Variants in MYT1L observed in about 807,000 individuals in gnomAD.
MYT1L encodes the protein myelin transcription factor 1 like.
In MYT1L, 12 loss-of-function variants were observed where a neutral mutation model predicts 126.7. The observed-to-expected ratio is 0.09, with a 90% confidence interval of 0.06 to 0.15. MYT1L has a LOEUF of 0.15. Ranked by LOEUF, MYT1L falls within the 10% of genes least tolerant of loss-of-function variation. The pLI, the probability that MYT1L is intolerant of heterozygous loss-of-function variation, is 1.00. For synonymous variants in MYT1L, 541 were observed against 604.2 expected (o/e 0.90, Z 1.53); for missense variants, 979 against 1,585.2 (o/e 0.62, Z 6.49).
chr2:2,226,657 C>T (rs1448653889), intron 2 of MYT1L, among the ~76,000 whole-genome samples: 1 of 152,170 alleles, frequency 6.6e-6, no homozygotes, highest in Admixed American at 6.5e-5. Context: ...CCTCCGACCA[C>T]ATGACCTCTA....
chr2:2,044,162 C>G (rs1558835315), intron 4 of MYT1L, among the ~76,000 whole-genome samples: 1 of 152,182 alleles, frequency 6.6e-6, no homozygotes, highest in Non-Finnish European at 1.5e-5. Context: ...AGATACAGGT[C>G]CCTGTGCACT....
intron 3 of MYT1L, among the ~76,000 whole-genome samples, chr2:2,123,728 G>T (rs2081333691): frequency 6.6e-6 from 1 of 152,130 alleles, no homozygotes; most frequent in Non-Finnish European, 1.5e-5. Flanking sequence ...CTTAGTCTCG[G>T]GTATTTCATT....
chr2:1,920,972 G>T (rs1004622492), intron 10 of MYT1L, among the ~76,000 whole-genome samples: 7 of 152,212 alleles, frequency 4.6e-5, no homozygotes, highest in Admixed American at 1.3e-4. Context: ...TCTGGCTAAG[G>T]TACCTCTACA....
chr2:1,817,256 A>T (rs551837063), intron 21 of MYT1L, among the ~76,000 whole-genome samples: 13 of 152,174 alleles, frequency 8.5e-5, no homozygotes, highest in Admixed American at 3.3e-4. Flanking sequence ...AACCACCCAG[A>T]GGACCGACGG....
chr2:1,822,486 C>G (rs115007333), intron 21 of MYT1L, among the ~76,000 whole-genome samples: 1 of 152,166 alleles, frequency 6.6e-6, no homozygotes, highest in South Asian at 2.1e-4. Flanking sequence ...GCCCCTCTTC[C>G]CCAGGGATGC....
At chr2:1,797,214 G>A (rs2033736966) in intron 23 of MYT1L, among the ~76,000 whole-genome samples, 1 of 152,122 alleles carries the variant, frequency 6.6e-6, no homozygotes, top group South Asian at 2.1e-4. Flanking sequence ...CACCCCCAGA[G>A]GAAGCCTGCA....
chr2:2,007,971 G>A (rs2063484346), intron 4 of MYT1L, among the ~76,000 whole-genome samples: 1 of 152,294 alleles, frequency 6.6e-6, no homozygotes, highest in Admixed American at 6.5e-5. Context: ...CATTCATGAT[G>A]GTCAGCCATT....
chr2:1,959,179 A>G (rs1360514745), intron 8 of MYT1L, among the ~76,000 whole-genome samples: 1 of 152,202 alleles, frequency 6.6e-6, no homozygotes, highest in African/African-American at 2.4e-5. Context: ...AGAAGGCTGG[A>G]CACAATGTTA....
At chr2:1,946,809 T>C (rs2057272669) in intron 8 of MYT1L, among the ~76,000 whole-genome samples, 1 of 152,188 alleles carries the variant, frequency 6.6e-6, no homozygotes, top group African/African-American at 2.4e-5. Flanking sequence ...AGCCACACCT[T>C]CATGCTGAAT....
At chr2:2,133,676 T>C (rs1474446616) in intron 3 of MYT1L, among the ~76,000 whole-genome samples, 1 of 152,200 alleles carries the variant, frequency 6.6e-6, no homozygotes, top group Non-Finnish European at 1.5e-5. Context: ...ACACACTTGC[T>C]GCTTTCTGAA....
rs368638933 is a variant in MYT1L, at chr2:2,059,501, G to A, written c.-303-5378C>T. Among the ~76,000 whole-genome samples, 8 of 152,082 alleles carry A rather than the reference G, an allele frequency of 5.3e-5. No individual in the cohort carries two copies. The highest frequency in any genetic ancestry group is 3.4e-3 in the Middle Eastern group (1 of 294). On this transcript the variant is annotated intron_variant, in intron 3 of 24. Coordinates refer to ENST00000647738, the MANE Select transcript of MYT1L (RefSeq NM_001303052.2). The surrounding 1 kb of genome is among the most constrained non-coding windows in gnomAD (Gnocchi z 4.7). Reference sequence around the variant, plus strand: ...GAACCAGGTGCATTGCCCAGTGCTGGCGGCACTTCATCCCCACTGAGGGTG... The same window carrying A: ...GAACCAGGTGCATTGCCCAGTGCTGACGGCACTTCATCCCCACTGAGGGTG...
chr2:1,961,081 G>A (rs1219597740), intron 8 of MYT1L, among the ~76,000 whole-genome samples: 2 of 152,236 alleles, frequency 1.3e-5, no homozygotes, highest in African/African-American at 4.8e-5. Context: ...TTAGCAATCT[G>A]TAGTATCATA....
chr2:2,324,379 C>T (rs763398216), intron 1 of MYT1L: 1 of 152,328 alleles, frequency 6.6e-6, no homozygotes, highest in Non-Finnish European at 1.5e-5. Context: ...TCTTCTAATG[C>T]TTTTGAACGC....
At chr2:1,913,740 T>C (rs1000665189) in intron 11 of MYT1L, among the ~76,000 whole-genome samples, 1 of 152,080 alleles carries the variant, frequency 6.6e-6, no homozygotes, top group East Asian at 1.9e-4. Context: ...GAGGTCCAGA[T>C]GGCAAGTGCA....
At chr2:1,796,049 A>C (rs1296287827) in intron 23 of MYT1L, among the ~76,000 whole-genome samples, 1 of 152,230 alleles carries the variant, frequency 6.6e-6, no homozygotes, top group Non-Finnish European at 1.5e-5. Context: ...AAAAACAAAA[A>C]CAAAAGAATA....
At chr2:1,835,528 G>A (rs1361284999) in intron 21 of MYT1L, among the ~76,000 whole-genome samples, 3 of 152,168 alleles carry the variant, frequency 2.0e-5, no homozygotes, top group Non-Finnish European at 4.4e-5. Context: ...CTGAAGATGG[G>A]TGAGATGGTA....
chr2:1,792,252 A>C, intron 24 of MYT1L, 69 bp downstream of exon 24: 1 of 1,481,916 alleles, frequency 6.7e-7, no homozygotes, highest in Non-Finnish European at 9.0e-7. Context: ...AACGATAAAA[A>C]CGGCATCTAC....
chr2:2,183,915 GGAGA>G (rs550539272), intron 2 of MYT1L, among the ~76,000 whole-genome samples: 9 of 140,830 alleles, frequency 6.4e-5, no homozygotes, highest in Non-Finnish European at 7.7e-5. Flanking sequence ...AAGGAAGGAA[GGAGA>G]GAGAGGAAGG....
chr2:2,196,969 T>C (rs2092825363), intron 2 of MYT1L, among the ~76,000 whole-genome samples: 1 of 152,010 alleles, frequency 6.6e-6, no homozygotes, highest in South Asian at 2.1e-4. Flanking sequence ...AGATCTGAAA[T>C]GTAAGGACAC....
Sources: allele counts gnomAD v4.1 joint callset (sites outside exome capture counted in the v4.1 genomes callset), GRCh38; gene constraint gnomAD v4.1.1; non-coding constraint Gnocchi (gnomAD v3.1); transcripts MANE v1.5; gene names NCBI Gene and HGNC (gene_info 2026-07-23, HGNC 2026-07-21).